Variants in SVIL observed in about 807,000 individuals in gnomAD.
SVIL encodes the protein supervillin.
Under a neutral mutation model 240.4 loss-of-function variants are expected in SVIL, and 101 were observed. The observed-to-expected ratio is 0.42, with a 90% CI of 0.36 to 0.50. SVIL has a LOEUF of 0.50. Ranked by LOEUF, SVIL falls within the 20% of genes least tolerant of loss-of-function variation. SVIL has a pLI of 0.01. For synonymous variants in SVIL, 999 were observed against 1,100.0 expected, an observed-to-expected ratio of 0.91 and a Z score of 1.82; for missense variants, 2,512 against 2,818.7, an observed-to-expected ratio of 0.89 and a Z score of 2.46.
chr10:29,587,787 G>A (rs1322304007), intron 1 of SVIL, among the ~76,000 whole-genome samples: 5 of 152,064 alleles, frequency 3.3e-5, no homozygotes, highest in East Asian at 1.9e-4. Flanking sequence ...TGCATATCCC[G>A]GATGCTTAAA....
At position 29,696,092 on chromosome 10, in the gene SVIL, C is replaced by G. The variant is rs536036214; in HGVS notation, c.-399-9441G>C. On this transcript the variant is annotated intron_variant, in intron 1 of 35. Transcript: ENST00000375400. ...TCAGCCTGCCGAGTGCCTGCGATTG[C>G]AGGCGCGCGCCGCCACGCCTGACTG... Among the ~76,000 whole-genome samples the G allele has an allele frequency of 4.3e-3, 658 of 151,958 alleles. 3 individuals carry two copies. The highest frequency in any genetic ancestry group is 0.012 in the African/African-American group (489 of 41,472).
chr10:29,523,451 C>G lies in SVIL; in HGVS notation c.3163G>C (p.Ala1055Pro). The stretch of plus-strand genomic sequence containing the variant: ...AGCTTTAGGGGCACTGGTCACTTAC[C>G]TCTTAGTGAAAACTTCCTTTTCATA... ...NVMKRKFSLR[A>P]AEFGEPTSEQ... Residue 1055 changes from alanine to proline, a missense_variant and splice_region_variant, in exon 15 of 38, where the codon GCG becomes CCG. By Grantham distance (27) the Ala-to-Pro change is conservative (BLOSUM62 -1). Around this residue, in one of 3 missense-constraint regions of SVIL, gnomAD observed 1,443 missense variants for 1,486.6 expected, o/e 0.97. Coordinates refer to ENST00000355867, the MANE Select transcript of SVIL (RefSeq NM_021738.3). 6.3e-7 allele frequency: 1 copy of G among 1,593,154 alleles called. No individual in the cohort carries two copies. The highest frequency in any genetic ancestry group is 8.5e-7 in the Non-Finnish European group (1 of 1,169,788).
In SVIL at chr10:29,512,728, A is replaced by G. The variant is rs753383767; in HGVS notation, c.3516+7T>C. ...CGGAAGGCTTTTCCTAACATGGGGA[A>G]TGTTACCTTCTTGATGAGGGACCGC... On this transcript the variant is annotated splice_region_variant and intron_variant, in intron 17 of 37. Coordinates refer to ENST00000355867, the MANE Select transcript of SVIL (RefSeq NM_021738.3). 1 of 1,614,168 alleles carries G rather than the reference A, an allele frequency of 6.2e-7. No homozygotes were observed. Among genetic ancestry groups the G allele is most frequent in the Non-Finnish European group, 8.5e-7 (1 of 1,180,040 alleles).
intron 3 of SVIL, among the ~76,000 whole-genome samples, chr10:29,561,782 T>A (rs1954503409): frequency 6.6e-6 from 1 of 152,234 alleles, no homozygotes; most frequent in Non-Finnish European, 1.5e-5. Flanking sequence ...CGATTAATTT[T>A]CTTTTTGATA....
chr10:29,508,713 A>C (rs1318158470), intron 17 of SVIL, among the ~76,000 whole-genome samples: 1 of 152,188 alleles, frequency 6.6e-6, no homozygotes, highest in Non-Finnish European at 1.5e-5. Context: ...CTTTCTTGAA[A>C]TTTCGGGCAC....
intron 1 of SVIL, among the ~76,000 whole-genome samples, chr10:29,730,348 A>G (rs1353444577): frequency 6.6e-6 from 1 of 152,122 alleles, no homozygotes; most frequent in African/African-American, 2.4e-5. Flanking sequence ...ATGAGACTCA[A>G]CCTCCAGCTT....
chr10:29,562,535 C>T (rs1482293108), intron 3 of SVIL, among the ~76,000 whole-genome samples: 4 of 152,116 alleles, frequency 2.6e-5, no homozygotes, highest in African/African-American at 9.7e-5. Context: ...CGGAGGCGGG[C>T]GGATCACCTA....
At chr10:29,557,948 G>T (rs1164406116) in intron 3 of SVIL, among the ~76,000 whole-genome samples, 1 of 152,176 alleles carries the variant, frequency 6.6e-6, no homozygotes, top group African/African-American at 2.4e-5. Context: ...GAGCTCTGCC[G>T]CAGGATGTTG....
intron 1 of SVIL, among the ~76,000 whole-genome samples, chr10:29,582,012 G>C (rs1955963974): frequency 6.6e-6 from 1 of 152,190 alleles, no homozygotes; most frequent in Non-Finnish European, 1.5e-5. Context: ...TTCTAGAACA[G>C]TCACATTCAG....
chr10:29,633,236 C>CAAAA (rs5784146), intron 1 of SVIL, among the ~76,000 whole-genome samples: 7 of 71,080 alleles, frequency 9.8e-5, no homozygotes, highest in African/African-American at 1.7e-4. Flanking sequence ...GACTCCATCT[C>CAAAA]AAAAAAAAAA....
At chr10:29,502,069 C>G (rs954431262) in intron 17 of SVIL, among the ~76,000 whole-genome samples, 2 of 152,198 alleles carry the variant, frequency 1.3e-5, no homozygotes, top group African/African-American at 4.8e-5. Context: ...TGGGATGATA[C>G]AACCATTTTA....
chr10:29,609,868 G>C (rs1001515148), intron 1 of SVIL, among the ~76,000 whole-genome samples: 1 of 152,230 alleles, frequency 6.6e-6, no homozygotes, highest in Non-Finnish European at 1.5e-5. Context: ...GATCCAGGCT[G>C]GTAGCACAAG....
intron 6 of SVIL, among the ~76,000 whole-genome samples, chr10:29,537,241 A>G (rs1032939921): frequency 6.6e-6 from 1 of 152,242 alleles, no homozygotes; most frequent in Non-Finnish European, 1.5e-5. Flanking sequence ...ATTCAGGTCC[A>G]TTCTGCTGAT....
chr10:29,717,819 A>G (rs1055680935), intron 1 of SVIL, among the ~76,000 whole-genome samples: 2 of 152,226 alleles, frequency 1.3e-5, no homozygotes. Flanking sequence ...GTTAACAAAT[A>G]TACTTTTTCA....
intron 35 of SVIL, among the ~76,000 whole-genome samples, 192 bp downstream of exon 35, chr10:29,463,300 A>G (rs866852908): frequency 1.3e-5 from 2 of 152,240 alleles, no homozygotes; most frequent in African/African-American, 4.8e-5. Context: ...GGCAGCTGAG[A>G]ATGCGCTAAT....
Position 29,712,389 on chromosome 10 carries a change from G to C in SVIL, c.-400+23362C>G, listed in dbSNP as rs532648586. ...CCAGGAGAGCTGGTTGTTAGAAAGA[G>C]CCTGCGACCTTAGCTGGTTGTTAGA... On this transcript the variant is annotated intron_variant, in intron 1 of 35. Coordinates refer to the SVIL transcript ENST00000375400. Among the ~76,000 whole-genome samples, 40 of 152,274 alleles carry C rather than the reference G, an allele frequency of 2.6e-4. No individual in the cohort carries two copies. The South Asian group carries it at 8.1e-3, about 31-fold the overall frequency.
intron 1 of SVIL, among the ~76,000 whole-genome samples, chr10:29,691,894 G>A (rs986156039): frequency 6.6e-6 from 1 of 152,114 alleles, no homozygotes; most frequent in Non-Finnish European, 1.5e-5. Flanking sequence ...TCAAATAACT[G>A]AGCAGCACGC....
chr10:29,523,886 T>C lies in SVIL; in HGVS notation c.2728A>G (p.Lys910Glu), dbSNP rs1267422392. 5 of 1,614,074 alleles carry C rather than the reference T, an allele frequency of 3.1e-6. No homozygotes were observed. The highest frequency in any genetic ancestry group is 4.2e-6 in the Non-Finnish European group (5 of 1,180,058). The change falls in exon 15 of 38, where the codon AAG becomes GAG. Residue 910 changes from lysine (K) to glutamate (E), a missense_variant. This residue lies in a region of SVIL where 1,443 missense variants were observed against 1,486.6 expected (regional missense o/e 0.97). Coordinates refer to ENST00000355867, the MANE Select transcript of SVIL (RefSeq NM_021738.3). The part of the protein sequence containing the change: ...LDHNASATDY[K>E]FSSSIENSDS... ...GAATTTTCTATTGAAGAAGAAAACT[T>C]ATAGTCAGTGGCACTTGCATTGTGG...
intron 29 of SVIL, 104 bp from the exon 30 acceptor site, chr10:29,474,093 G>C (rs901239487): frequency 2.0e-6 from 3 of 1,469,780 alleles, no homozygotes; most frequent in Non-Finnish European, 2.7e-6. Flanking sequence ...CAGTGGCAAA[G>C]AGCCTCGGAC....
Sources: gnomAD v4.1 joint callset for allele counts (sites outside exome capture counted in the v4.1 genomes callset) on GRCh38, gnomAD v4.1.1 for gene constraint, gnomAD v4.1.1 regional missense constraint, MANE v1.5 for transcripts, NCBI Gene and HGNC (gene_info 2026-07-23, HGNC 2026-07-21) for gene names.